Variants in GPN1 observed in about 807,000 individuals in gnomAD.
The protein encoded by GPN1 is GPN-loop GTPase 1, also known as ATP(GTP)-binding protein.
GPN1 carries 44 observed loss-of-function variants against 55.9 expected under a neutral mutation model. That is an observed-to-expected ratio of 0.79 (90% CI 0.62 to 1.01). The LOEUF (loss-of-function observed/expected upper bound fraction) is 1.01, where lower values mean the gene tolerates loss of function less well. GPN1 is among the 50% of genes least tolerant of loss of function. The pLI, the probability that GPN1 is intolerant of heterozygous loss-of-function variation, is 0.00. For missense variants in GPN1, 466 were observed against 462.8 expected, an observed-to-expected ratio of 1.01 and a Z score of -0.06; for synonymous variants, 179 against 162.5, an observed-to-expected ratio of 1.10 and a Z score of -0.77.
intron 13 of GPN1, among the ~76,000 whole-genome samples, 168 bp downstream of exon 13, chr2:27,648,111 T>G (rs1572966267): frequency 6.6e-6 from 1 of 152,230 alleles, no homozygotes; most frequent in Middle Eastern, 3.2e-3. Context: ...TACTGGATGG[T>G]TAATACTGAG....
intron 7 of GPN1, among the ~76,000 whole-genome samples, chr2:27,636,649 AT>A (rs1673743177): frequency 6.6e-6 from 1 of 151,858 alleles, no homozygotes; most frequent in South Asian, 2.1e-4. Flanking sequence ...CTAATTTTGT[AT>A]TTTTAGTAGA....
chr2:27,640,039 G>A lies in GPN1; in HGVS notation c.718-4G>A. On this transcript the variant is annotated splice_polypyrimidine_tract_variant and splice_region_variant and intron_variant, in intron 9 of 13. Transcript: ENST00000610189. ...TTAGTGGCATTTATGATGCTTTTTG[G>A]CAGGTGGTGGGTGTCTCTGCTGTTC... is the stretch of plus-strand genomic sequence containing the variant. The A allele has an allele frequency of 6.3e-7, 1 of 1,593,412 alleles. No homozygotes were observed. The highest frequency in any genetic ancestry group is 1.7e-4 in the Middle Eastern group (1 of 6,026).
intron 7 of GPN1, among the ~76,000 whole-genome samples, chr2:27,637,432 A>G (rs1048571217): frequency 3.3e-5 from 5 of 152,158 alleles, no homozygotes; most frequent in Admixed American, 2.6e-4. Flanking sequence ...TTAAGGGTCA[A>G]CTGTGTATCA....
chr2:27,641,955 T>G (rs1673973229), intron 11 of GPN1: 1 of 153,938 alleles, frequency 6.5e-6, no homozygotes, highest in Admixed American at 6.5e-5. Context: ...GGATCCTTTG[T>G]CTCTGAGCCT....
Position 27,650,273 on chromosome 2 carries a change from C to A in GPN1, c.*73C>A. The A allele has an allele frequency of 2.4e-6, 2 of 817,368 alleles. No individual in the cohort carries two copies. Among genetic ancestry groups the A allele is most frequent in the South Asian group, 1.5e-5 (1 of 66,630 alleles). 50.6% of individuals were successfully genotyped at this position (817,368 alleles called of 1,614,324 possible). On this transcript the variant is annotated 3_prime_UTR_variant, in exon 14 of 14. Coordinates refer to ENST00000610189, the MANE Select transcript of GPN1 (RefSeq NM_007266.4). ...CCTCCACGTGAAAGAACTGTTCTTA[C>A]CTCTGAACTGGGGGCTCCCATAAGG...
intron 2 of GPN1, among the ~76,000 whole-genome samples, chr2:27,630,384 A>AG (rs1288551975): frequency 2.8e-5 from 3 of 107,846 alleles, no homozygotes; most frequent in Non-Finnish European, 1.9e-5. Context: ...TAAACAGCTT[A>AG]GGTTTTTTTT....
chr2:27,629,117 T>C lies in GPN1; in HGVS notation c.59T>C (p.Val20Ala), dbSNP rs1429801239. The C allele has an allele frequency of 6.2e-7, 1 of 1,614,140 alleles. No homozygotes were observed. The highest frequency in any genetic ancestry group is 1.7e-5 in the Admixed American group (1 of 60,028). ...LQASGGPRHP[V>A]CLLVLGMAGS... ...GCTTCTGGGGGTCCGCGGCACCCAG[T>C]GTGTCTGTTGGTGTTGGGAATGGCG... Residue 20 changes from valine (V) to alanine (A), a missense_variant, in exon 1 of 14, where the codon GTG (valine) becomes GCG (alanine). Physicochemically the swap from Val to Ala is moderately conservative, Grantham distance 64. Coordinates refer to ENST00000610189, the MANE Select transcript of GPN1 (RefSeq NM_007266.4).
chr2:27,650,356 T>C lies in GPN1; in HGVS notation c.*156T>C. ...TATTAGAGAAATCTTGTGACTCAGATGAAGTCAGGGATAGAAGACCCTTGG... is the reference window on the plus strand; with the variant it reads ...TATTAGAGAAATCTTGTGACTCAGACGAAGTCAGGGATAGAAGACCCTTGG... On this transcript the variant is annotated 3_prime_UTR_variant, in exon 14 of 14. Transcript: ENST00000610189. 2 of 518,510 alleles carry C rather than the reference T, an allele frequency of 3.9e-6. No homozygotes were observed. The highest frequency in any genetic ancestry group is 3.5e-6 in the Non-Finnish European group (1 of 287,346). 32.1% of individuals were successfully genotyped at this position (518,510 alleles called of 1,614,324 possible).
Position 27,643,111 on chromosome 2 carries a change from A to G in GPN1, c.931+592A>G, listed in dbSNP as rs527436635. Among the ~76,000 whole-genome samples the G allele has an allele frequency of 3.3e-5, 5 of 151,504 alleles. No individual in the cohort carries two copies. In the East Asian group the frequency reaches 7.7e-4, roughly 23 times the overall value. On this transcript the variant is annotated intron_variant, in intron 12 of 13. Coordinates refer to ENST00000610189, the MANE Select transcript of GPN1 (RefSeq NM_007266.4). The surrounding 1 kb of genome is among the most constrained non-coding windows in gnomAD (Gnocchi z 4.0). ...CAGGAAGTTTTTGCTTTACTTTGGC[A>G]ATATACTTGATGTGTGCTGTGGTGG...
chr2:27,641,276 A>C lies in GPN1; in HGVS notation c.837A>C (p.Ser279=). The stretch of plus-strand genomic sequence containing the variant: ...CTGAATATGAACGTCTGAAAAAATC[A>C]CTGGTAAGAAGGGAGGCTGTTTGTA... The part of the protein sequence containing the change: ...YRPEYERLKK[S]LANAESQQQR... Residue 279 remains serine, a synonymous_variant, in exon 11 of 14, where the codon TCA becomes TCC. Coordinates refer to ENST00000610189, the MANE Select transcript of GPN1 (RefSeq NM_007266.4). 6.2e-7 allele frequency: 1 copy of C among 1,604,438 alleles called. No homozygotes were observed. Among genetic ancestry groups the C allele is most frequent in the Non-Finnish European group, 8.5e-7 (1 of 1,171,406 alleles).
intron 13 of GPN1, among the ~76,000 whole-genome samples, chr2:27,649,310 T>C (rs1282924754): frequency 1.3e-5 from 2 of 152,036 alleles, no homozygotes; most frequent in Non-Finnish European, 2.9e-5. Flanking sequence ...GTCTTAGCTA[T>C]GGCCAAGAGC....
intron 2 of GPN1, 147 bp downstream of exon 2, chr2:27,630,099 A>T: frequency 1.7e-6 from 1 of 593,988 alleles, no homozygotes; most frequent in South Asian, 1.8e-5. Flanking sequence ...CAGCCTGGCC[A>T]AGATGGTGAA....
At chr2:27,634,174 T>C (rs1240264503) in intron 5 of GPN1, among the ~76,000 whole-genome samples, 1 of 152,202 alleles carries the variant, frequency 6.6e-6, no homozygotes, top group Non-Finnish European at 1.5e-5. Context: ...ATCTTTTTAA[T>C]GTACTTATTG....
rs78605097 is a variant in GPN1, at chr2:27,639,511, CTTT to C, written c.717+488_717+490del. ...CTGTTAATTGTTCAGTCCTAATTAT[CTTT>C]TTTTTTTCTTTTTTCCCTTTGGAGA... is the stretch of plus-strand genomic sequence containing the variant. On this transcript the variant is annotated intron_variant, in intron 9 of 13. Transcript: ENST00000610189. 5.6e-3 allele frequency among the ~76,000 whole-genome samples: 836 copies of C among 150,068 alleles called. 6 individuals are homozygous for C. Among genetic ancestry groups the C allele is most frequent in the Middle Eastern group, 0.017 (5 of 290 alleles).
At chr2:27,642,831 C>G (rs573213019) in intron 12 of GPN1, among the ~76,000 whole-genome samples, 1 of 152,024 alleles carries the variant, frequency 6.6e-6, no homozygotes, top group African/African-American at 2.4e-5. Context: ...TCCCAAAATG[C>G]TGGGATTACA....
chr2:27,635,575 G>A (rs776498070), intron 7 of GPN1, among the ~76,000 whole-genome samples: 5 of 152,200 alleles, frequency 3.3e-5, no homozygotes, highest in Non-Finnish European at 7.3e-5. Context: ...CCTACACTTG[G>A]GAGGCCAAGG....
chr2:27,631,716 T>A, intron 3 of GPN1, 118 bp from the exon 4 acceptor site: 1 of 732,898 alleles, frequency 1.4e-6, no homozygotes, highest in Non-Finnish European at 2.5e-6. Context: ...AAGGATTAGG[T>A]TGCCAGTATC....
Position 27,631,825 on chromosome 2 carries a change from G to C in GPN1, c.246-9G>C. On this transcript the variant is annotated splice_polypyrimidine_tract_variant and intron_variant, in intron 3 of 13. Coordinates refer to ENST00000610189, the MANE Select transcript of GPN1 (RefSeq NM_007266.4). Reference sequence around the variant, plus strand: ...TATAAGCGATTTCAGTCCTCAACTTGGTGTCTAGATATGGACTTGGACCCA... The same window carrying C: ...TATAAGCGATTTCAGTCCTCAACTTCGTGTCTAGATATGGACTTGGACCCA... The C allele has an allele frequency of 6.5e-7, 1 of 1,543,570 alleles. No individual in the cohort carries two copies. Among genetic ancestry groups the C allele is most frequent in the Non-Finnish European group, 9.0e-7 (1 of 1,115,618 alleles).
intron 13 of GPN1, among the ~76,000 whole-genome samples, chr2:27,648,160 C>T (rs1181441057): frequency 6.6e-6 from 1 of 152,176 alleles, no homozygotes; most frequent in Non-Finnish European, 1.5e-5. Flanking sequence ...GTCTTCTTAT[C>T]TTTAGGTCCT....
Sources: gnomAD v4.1 joint callset for allele counts (sites outside exome capture counted in the v4.1 genomes callset) on GRCh38, gnomAD v4.1.1 for gene constraint, Gnocchi (gnomAD v3.1) non-coding constraint, MANE v1.5 for transcripts, NCBI Gene and HGNC (gene_info 2026-07-23, HGNC 2026-07-21) for gene names.